The following LTF variants were observed in gnomAD, a reference collection of about 807,000 sequenced individuals.
The protein encoded by LTF is epididymis luminal protein 110.
In LTF, 91 loss-of-function variants were observed where a neutral mutation model predicts 87.2. The ratio of observed to expected loss-of-function variants is 1.04; its 90% CI spans 0.88 to 1.24. The LOEUF is 1.24. LTF is among the 50% of genes most tolerant of loss of function. The pLI is 0.00. For missense variants in LTF, 901 were observed against 904.3 expected, an observed-to-expected ratio of 1.00 and a Z score of 0.05; for synonymous variants, 378 against 356.1, an observed-to-expected ratio of 1.06 and a Z score of -0.69.
intron 3 of LTF, 31 bp downstream of exon 3, chr3:46,456,259 C>T (rs748910211): frequency 1.7e-5 from 27 of 1,564,326 alleles, no homozygotes; most frequent in East Asian, 9.0e-5. Context: ...CTGAGGCCAC[C>T]GTGGCCTCTG....
At chr3:46,452,322 C>G (rs1205093940) in intron 6 of LTF, among the ~76,000 whole-genome samples, 1 of 151,980 alleles carries the variant, frequency 6.6e-6, no homozygotes, top group Non-Finnish European at 1.5e-5. Flanking sequence ...ATCAGACCCA[C>G]AAAGGAAAAA....
chr3:46,442,250 T>G (rs1339369119), intron 13 of LTF, among the ~76,000 whole-genome samples: 4 of 152,012 alleles, frequency 2.6e-5, no homozygotes, highest in Non-Finnish European at 4.4e-5. Context: ...CTGGGGGCAG[T>G]GTGAGAGGCT....
chr3:46,465,538 G>T (rs377000728), upstream of LTF, among the ~76,000 whole-genome samples: 2 of 151,930 alleles, frequency 1.3e-5, no homozygotes, highest in Admixed American at 6.6e-5. Context: ...ACCACCCAAG[G>T]CTGGTTCCAT....
At position 46,450,481 on chromosome 3, in the gene LTF, G is replaced by T. The variant is rs376074598; in HGVS notation, c.882+14C>A. 3.6e-4 allele frequency: 574 copies of T among 1,600,702 alleles called. 1 individual carries two copies. The Middle Eastern group carries it at 6.8e-3, about 19-fold the overall frequency. On this transcript the variant is annotated intron_variant, in intron 7 of 16. Transcript: ENST00000231751. ...CATATCCAAGCAAGTGGGGAGGACCGTGGGTGAAGATACCTGTGCCTGGCG... is the reference window on the plus strand; with the variant it reads ...CATATCCAAGCAAGTGGGGAGGACCTTGGGTGAAGATACCTGTGCCTGGCG...
At chr3:46,447,285 C>T (rs370647742) in intron 10 of LTF, 23 bp downstream of exon 10, 18 of 1,595,846 alleles carry the variant, frequency 1.1e-5, no homozygotes, top group African/African-American at 8.1e-5. Flanking sequence ...GGGAATATAC[C>T]AGAGGATGCT....
rs147668691 is a variant in LTF at position 46,474,100 on chromosome 3, A to G, written c.-319-3634T>C. On this transcript the variant is annotated intron_variant, in intron 1 of 19. Transcript: ENST00000443496. ...AAAATAAAATAAAATGGTAGGCTTA[A>G]CACTAACATATCAATAATTACATAA... is the stretch of plus-strand genomic sequence containing the variant. Among the ~76,000 whole-genome samples the G allele has an allele frequency of 7.0e-4, 106 of 152,380 alleles. 1 individual carries two copies. In the East Asian group the frequency reaches 0.019, roughly 28 times the overall value.
At chr3:46,472,488 T>TTGTGTGTGTGTG (rs34825595) in intron 1 of LTF, among the ~76,000 whole-genome samples, 1,448 of 106,570 alleles carry the variant, frequency 0.014, 21 homozygotes, top group East Asian at 0.018. Context: ...GAAAAGATTA[T>TTGTGTGTGTGTG]TGTGTGTGTG....
chr3:46,462,580 G>C (rs1459494130), intron 1 of LTF, among the ~76,000 whole-genome samples: 1 of 152,182 alleles, frequency 6.6e-6, no homozygotes, highest in Non-Finnish European at 1.5e-5. Flanking sequence ...TGGAGATGGG[G>C]CTAGAAAAGG....
At chr3:46,450,145 C>G in intron 7 of LTF, 117 bp from the exon 8 acceptor site, 1 of 814,308 alleles carries the variant, frequency 1.2e-6, no homozygotes, top group Non-Finnish European at 1.9e-6. Flanking sequence ...GCAGGAGCCT[C>G]GGTTGAGACC....
intron 13 of LTF, among the ~76,000 whole-genome samples, chr3:46,442,810 G>A (rs75095086): frequency 0.081 from 12,344 of 152,204 alleles, 749 homozygotes; most frequent in African/African-American, 0.16. Flanking sequence ...AAGGAACAGG[G>A]GAAGATCCTC....
At chr3:46,440,051 T>A (rs930938633) in intron 14 of LTF, among the ~76,000 whole-genome samples, 2 of 152,168 alleles carry the variant, frequency 1.3e-5, no homozygotes, top group African/African-American at 4.8e-5. Flanking sequence ...GGTGCAAGGG[T>A]TTCTTTATGG....
At chr3:46,479,661 T>A (rs1189323652) in intron 1 of LTF, among the ~76,000 whole-genome samples, 1 of 152,138 alleles carries the variant, frequency 6.6e-6, no homozygotes, top group Non-Finnish European at 1.5e-5. Flanking sequence ...GTAGCAGGGA[T>A]TACAGGCAAG....
intron 7 of LTF, among the ~76,000 whole-genome samples, 188 bp downstream of exon 7, chr3:46,450,307 C>T (rs546861419): frequency 2.1e-4 from 32 of 152,010 alleles, no homozygotes; most frequent in Non-Finnish European, 4.1e-4. Flanking sequence ...GCTGTCAGCC[C>T]GTGTGACAGA....
At chr3:46,460,481 C>T (rs1474373534) in intron 1 of LTF, 3 of 440,942 alleles carry the variant, frequency 6.8e-6, no homozygotes, top group Non-Finnish European at 1.4e-5. Flanking sequence ...GCTTTTTTTG[C>T]TCAAATACTG....
At chr3:46,436,497 G>A (rs1029936635) in intron 16 of LTF, among the ~76,000 whole-genome samples, 4 of 152,170 alleles carry the variant, frequency 2.6e-5, no homozygotes, top group African/African-American at 7.2e-5. Flanking sequence ...TGATTGAATC[G>A]ACTGTCACAT....
At chr3:46,440,502 A>C (rs1702492429) in intron 14 of LTF, among the ~76,000 whole-genome samples, 1 of 152,200 alleles carries the variant, frequency 6.6e-6, no homozygotes, top group Non-Finnish European at 1.5e-5. Context: ...AATTGTATGC[A>C]TGTCTATGTT....
chr3:46,482,777 GAAA>G (rs1269459937), intron 1 of LTF, among the ~76,000 whole-genome samples: 4 of 113,682 alleles, frequency 3.5e-5, no homozygotes, highest in African/African-American at 1.3e-4. Context: ...AAGAAAGAAA[GAAA>G]AAGAAAGAAA....
At chr3:46,458,390 G>C (rs571908749) in intron 2 of LTF, among the ~76,000 whole-genome samples, 1 of 152,212 alleles carries the variant, frequency 6.6e-6, no homozygotes, top group East Asian at 1.9e-4. Flanking sequence ...TTTCAAACAG[G>C]GATCTTATTT....
At chr3:46,450,782 G>T in intron 6 of LTF, 109 bp from the exon 7 acceptor site, 1 of 906,046 alleles carries the variant, frequency 1.1e-6, no homozygotes, top group Non-Finnish European at 1.7e-6. Flanking sequence ...GGAGATAGCT[G>T]ACAAAACTGA....
Sources: gnomAD v4.1 joint callset for allele counts (sites outside exome capture counted in the v4.1 genomes callset) on GRCh38, gnomAD v4.1.1 for gene constraint, MANE v1.5 for transcripts, NCBI Gene and HGNC (gene_info 2026-07-23, HGNC 2026-07-21) for gene names.